Variants in ANKRD13C observed in about 807,000 individuals in gnomAD.
ANKRD13C encodes the protein ankyrin repeat domain 13C.
In ANKRD13C, 16 loss-of-function variants were observed where a neutral mutation model predicts 65.5. The ratio of observed to expected loss-of-function variants is 0.24; its 90% CI spans 0.17 to 0.37. The LOEUF is 0.37. ANKRD13C is among the 10% of genes least tolerant of loss of function. The probability of loss-of-function intolerance (pLI) is 1.00; values close to 1 mark genes in which losing one functional copy is unlikely to be tolerated. For synonymous variants in ANKRD13C, 235 were observed against 238.7 expected (o/e 0.98, Z 0.14); for missense variants, 503 against 655.9 (o/e 0.77, Z 2.55).
intron 1 of ANKRD13C, among the ~76,000 whole-genome samples, chr1:70,340,895 G>A (rs573570392): frequency 1.2e-4 from 18 of 152,184 alleles, no homozygotes; most frequent in East Asian, 7.7e-4. Flanking sequence ...GATGGATCAC[G>A]AGCTCAGGAG....
intron 1 of ANKRD13C, among the ~76,000 whole-genome samples, chr1:70,337,952 A>C (rs1462517099): frequency 1.3e-5 from 2 of 152,118 alleles, no homozygotes; most frequent in Non-Finnish European, 2.9e-5. Context: ...ATACAAAATT[A>C]GCCAGGGGTG....
At chr1:70,331,910 C>A (rs558441687) in intron 2 of ANKRD13C, among the ~76,000 whole-genome samples, 2 of 150,230 alleles carry the variant, frequency 1.3e-5, no homozygotes, top group African/African-American at 4.9e-5. Flanking sequence ...CTTGTGCAAC[C>A]AAATATAAAA....
At chr1:70,272,601 T>C (rs1196499059) in intron 11 of ANKRD13C, among the ~76,000 whole-genome samples, 1 of 152,026 alleles carries the variant, frequency 6.6e-6, no homozygotes, top group East Asian at 1.9e-4. Flanking sequence ...TTTTTTTTCA[T>C]GTAACATATC....
At chr1:70,327,610 A>T (rs1681595504) in intron 2 of ANKRD13C, among the ~76,000 whole-genome samples, 1 of 152,228 alleles carries the variant, frequency 6.6e-6, no homozygotes, top group Non-Finnish European at 1.5e-5. Flanking sequence ...TGCATTGGGT[A>T]TAAGATGATA....
At chr1:70,287,827 T>C (rs994547477) in intron 9 of ANKRD13C, among the ~76,000 whole-genome samples, 3 of 152,092 alleles carry the variant, frequency 2.0e-5, no homozygotes, top group Admixed American at 1.3e-4. Flanking sequence ...GGCAACATGG[T>C]GAGACCTTGT....
At chr1:70,271,196 C>T (rs970630695) in intron 11 of ANKRD13C, among the ~76,000 whole-genome samples, 8 of 152,174 alleles carry the variant, frequency 5.3e-5, no homozygotes, top group African/African-American at 1.9e-4. Flanking sequence ...GGACTCAAAG[C>T]TAGTAACTAG....
At chr1:70,324,765 G>T in intron 3 of ANKRD13C, 88 bp downstream of exon 3, 1 of 961,316 alleles carries the variant, frequency 1.0e-6, no homozygotes, top group Non-Finnish European at 1.5e-6. Context: ...TTCATATTAT[G>T]GCAAGTTACA....
intron 1 of ANKRD13C, among the ~76,000 whole-genome samples, chr1:70,342,076 A>T (rs1334595217): frequency 1.3e-5 from 2 of 151,744 alleles, no homozygotes; most frequent in South Asian, 4.2e-4. Context: ...ATAGTTAAGG[A>T]TGTAATTTAA....
At chr1:70,326,396 A>C (rs1416639735) in intron 2 of ANKRD13C, among the ~76,000 whole-genome samples, 3 of 152,186 alleles carry the variant, frequency 2.0e-5, no homozygotes, top group Non-Finnish European at 4.4e-5. Context: ...ATGTTGGAAT[A>C]TAACATGTAA....
intron 9 of ANKRD13C, among the ~76,000 whole-genome samples, chr1:70,287,526 G>A (rs1379880763): frequency 6.6e-6 from 1 of 151,992 alleles, no homozygotes; most frequent in Admixed American, 6.6e-5. Flanking sequence ...TAGGAACCTG[G>A]AGCTAGGCAA....
At chr1:70,322,776 T>C (rs2101524602) in intron 3 of ANKRD13C, among the ~76,000 whole-genome samples, 1 of 152,262 alleles carries the variant, frequency 6.6e-6, no homozygotes. Flanking sequence ...GTGGATCACC[T>C]GACGTCAGGA....
intron 12 of ANKRD13C, among the ~76,000 whole-genome samples, chr1:70,266,033 T>C (rs1004751564): frequency 1.3e-5 from 2 of 151,918 alleles, no homozygotes; most frequent in Non-Finnish European, 2.9e-5. Context: ...AACATAAAAA[T>C]CAGGATATTG....
Position 70,292,523 on chromosome 1 carries a change from G to A in ANKRD13C, c.1080C>T (p.Asp360=), listed in dbSNP as rs751493501. The part of the protein sequence containing the change: ...KTERVGNFLA[D]FYLVNGLVLE... Reference sequence around the variant, plus strand: ...AAACAAGTCCATTCACCAGGTAAAAGTCTGCCAAAAAGTTTCCTACTCTTT... The same window carrying A: ...AAACAAGTCCATTCACCAGGTAAAAATCTGCCAAAAAGTTTCCTACTCTTT... The change falls in exon 9 of 13, where the codon GAC becomes GAT. Residue 360 remains aspartate (D), a synonymous_variant. Coordinates refer to ENST00000370944, the MANE Select transcript of ANKRD13C (RefSeq NM_030816.5). 2 of 1,596,940 alleles carry A rather than the reference G, an allele frequency of 1.3e-6. No individual in the cohort carries two copies. Among genetic ancestry groups the A allele is most frequent in the Non-Finnish European group, 1.7e-6 (2 of 1,175,970 alleles).
chr1:70,313,127 ATAAT>A (rs948075123), intron 5 of ANKRD13C, among the ~76,000 whole-genome samples: 1 of 152,204 alleles, frequency 6.6e-6, no homozygotes, highest in Admixed American at 6.5e-5. Flanking sequence ...CCATAATCCC[ATAAT>A]TAATTTTCTT....
intron 1 of ANKRD13C, among the ~76,000 whole-genome samples, chr1:70,344,550 A>G (rs1439617721): frequency 1.3e-5 from 2 of 152,130 alleles, no homozygotes; most frequent in Admixed American, 6.6e-5. Flanking sequence ...ACTATGCTGT[A>G]TATTTCTGAT....
chr1:70,350,685 T>C (rs1682709780), intron 1 of ANKRD13C, among the ~76,000 whole-genome samples: 1 of 152,204 alleles, frequency 6.6e-6, no homozygotes, highest in South Asian at 2.1e-4. Context: ...ACGCACATTA[T>C]GAGAATTGAC....
chr1:70,347,156 G>A (rs1480540796), intron 1 of ANKRD13C, among the ~76,000 whole-genome samples: 2 of 147,318 alleles, frequency 1.4e-5, no homozygotes, highest in Non-Finnish European at 3.0e-5. Context: ...ACTCAGATCT[G>A]ATCAATACAG....
In ANKRD13C at chr1:70,302,540, A is replaced by C. The variant is rs377682043; in HGVS notation, c.777-1632T>G. On this transcript the variant is annotated intron_variant, in intron 6 of 12. Coordinates refer to ENST00000370944, the MANE Select transcript of ANKRD13C (RefSeq NM_030816.5). ...AGGAGATCGAGACCATCCCGGCTAA[A>C]ACGGTGAAACCCCGTCTCTACTAAA... is the stretch of plus-strand genomic sequence containing the variant. Among the ~76,000 whole-genome samples the C allele has an allele frequency of 6.4e-4, 74 of 115,328 alleles. 13 individuals carry two copies. In the East Asian group the frequency reaches 0.021, roughly 33 times the overall value. The allele number at this position is 115,328 out of a possible 152,430, so 75.7% of individuals were successfully genotyped here. A position where few individuals can be genotyped will look rare whatever the true frequency, so the allele number is the denominator to read the frequency against.
In ANKRD13C at chr1:70,302,725, CAAAAAAAAAAAA is replaced by C. The variant is rs11359618; in HGVS notation, c.777-1829_777-1818del. Among the ~76,000 whole-genome samples, 35 of 32,166 alleles carry C rather than the reference CAAAAAAAAAAAA, an allele frequency of 1.1e-3. 1 individual carries two copies. In the South Asian group the frequency reaches 0.054, roughly 49 times the overall value. The allele number at this position is 32,166 out of a possible 152,430, so 21.1% of individuals were successfully genotyped here. A position where few individuals can be genotyped will look rare whatever the true frequency, so the allele number is the denominator to read the frequency against. ...TGGGCGACAGAGCGAGACTCCGTCT[CAAAAAAAAAAAA>C]AAAAAAAAAAAAAAAAAAGAAAATA... On this transcript the variant is annotated intron_variant, in intron 6 of 12. Coordinates refer to ENST00000370944, the MANE Select transcript of ANKRD13C (RefSeq NM_030816.5).
Sources: allele counts gnomAD v4.1 joint callset (sites outside exome capture counted in the v4.1 genomes callset), GRCh38; gene constraint gnomAD v4.1.1; transcripts MANE v1.5; gene names NCBI Gene and HGNC (gene_info 2026-07-23, HGNC 2026-07-21).